The following PDGFD variants were observed in gnomAD, a reference collection of about 807,000 sequenced individuals.
PDGFD encodes platelet derived growth factor D.
PDGFD carries 30 observed loss-of-function variants against 44.7 expected under a neutral mutation model. The observed-to-expected ratio is 0.67, with a 90% CI of 0.50 to 0.91. The LOEUF is 0.91. Among genes scored for constraint, PDGFD ranks in the 40% least tolerant of loss-of-function variants. The pLI, the probability that PDGFD is intolerant of heterozygous loss-of-function variation, is 0.00. For missense variants in PDGFD, 445 were observed against 457.8 expected (o/e 0.97, Z 0.25); for synonymous variants, 173 against 168.4 (o/e 1.03, Z -0.21).
chr11:103,989,057 T>G (rs142969109), intron 3 of PDGFD, among the ~76,000 whole-genome samples: 1 of 152,224 alleles, frequency 6.6e-6, no homozygotes, highest in Admixed American at 6.6e-5. Context: ...AACATATTAT[T>G]ATCATCATCA....
chr11:104,079,544 C>A (rs543321960), intron 1 of PDGFD, among the ~76,000 whole-genome samples: 1 of 152,142 alleles, frequency 6.6e-6, no homozygotes, highest in East Asian at 1.9e-4. Flanking sequence ...CCTGCCGCCA[C>A]GCTCAGCTAA....
intron 1 of PDGFD, among the ~76,000 whole-genome samples, chr11:104,103,668 T>C (rs972887988): frequency 4.0e-5 from 6 of 151,796 alleles, no homozygotes; most frequent in African/African-American, 1.2e-4. Flanking sequence ...TCCTATTGCC[T>C]AAAGATACTG....
intron 5 of PDGFD, among the ~76,000 whole-genome samples, chr11:103,940,470 G>T (rs1332182666): frequency 6.6e-6 from 1 of 152,076 alleles, no homozygotes; most frequent in Non-Finnish European, 1.5e-5. Flanking sequence ...CTGATAGAAG[G>T]AGACTTTTTG....
chr11:103,912,969 C>T (rs564097766), intron 6 of PDGFD, among the ~76,000 whole-genome samples: 1 of 152,036 alleles, frequency 6.6e-6, no homozygotes, highest in Non-Finnish European at 1.5e-5. Context: ...ACAGGAGCAC[C>T]CAGATTCATA....
intron 1 of PDGFD, among the ~76,000 whole-genome samples, chr11:104,027,793 T>A (rs188987220): frequency 4.5e-4 from 69 of 152,328 alleles, no homozygotes; most frequent in Non-Finnish European, 6.6e-4. Context: ...GATGCCTGTA[T>A]TTTGTTGACT....
intron 1 of PDGFD, among the ~76,000 whole-genome samples, chr11:104,161,119 T>C (rs1247619651): frequency 6.6e-6 from 1 of 152,204 alleles, no homozygotes; most frequent in African/African-American, 2.4e-5. Context: ...AGTATGTCTA[T>C]CATCAGGTAA....
At chr11:104,061,772 T>C (rs1380932837) in intron 1 of PDGFD, among the ~76,000 whole-genome samples, 2 of 152,096 alleles carry the variant, frequency 1.3e-5, no homozygotes, top group Admixed American at 6.5e-5. Flanking sequence ...CATGCCTGAC[T>C]AATTTTTTTA....
intron 1 of PDGFD, among the ~76,000 whole-genome samples, chr11:104,144,966 G>A (rs1862142816): frequency 6.6e-6 from 1 of 152,132 alleles, no homozygotes; most frequent in Non-Finnish European, 1.5e-5. Flanking sequence ...ACTATTTAAA[G>A]TATACTCTGA....
intron 1 of PDGFD, among the ~76,000 whole-genome samples, chr11:104,104,649 C>T (rs767445859): frequency 6.6e-6 from 1 of 152,030 alleles, no homozygotes. Flanking sequence ...TAGGCTGCAC[C>T]ATCTAAGTTT....
intron 5 of PDGFD, among the ~76,000 whole-genome samples, chr11:103,930,834 A>G (rs574335452): frequency 6.6e-6 from 1 of 152,360 alleles, no homozygotes; most frequent in South Asian, 2.1e-4. Context: ...GTGTATCCTC[A>G]TCCACCTATT....
At chr11:103,986,450 G>A (rs989390249) in intron 3 of PDGFD, among the ~76,000 whole-genome samples, 1 of 152,184 alleles carries the variant, frequency 6.6e-6, no homozygotes, top group Non-Finnish European at 1.5e-5. Context: ...CTCTTTTGTA[G>A]GGGGGAACTC....
intron 1 of PDGFD, among the ~76,000 whole-genome samples, chr11:104,145,317 T>C (rs902863165): frequency 1.3e-5 from 2 of 152,224 alleles, no homozygotes; most frequent in Admixed American, 6.5e-5. Context: ...AATACATGCA[T>C]CTCTTTAATA....
intron 6 of PDGFD, among the ~76,000 whole-genome samples, chr11:103,925,678 TGTATATATATATATATATATA>T (rs1357077275): frequency 8.0e-5 from 7 of 87,790 alleles, no homozygotes; most frequent in African/African-American, 1.2e-4. Context: ...TGTGTGTCTG[TGTATATATATATATATATATA>T]CACAGACACA....
At chr11:104,035,427 C>T (rs911210231) in intron 1 of PDGFD, among the ~76,000 whole-genome samples, 1 of 152,238 alleles carries the variant, frequency 6.6e-6, no homozygotes, top group Admixed American at 6.5e-5. Context: ...GGAAAAGCCT[C>T]CTGACTGGCC....
chr11:104,100,089 G>C (rs1240929005), intron 1 of PDGFD, among the ~76,000 whole-genome samples: 1 of 151,988 alleles, frequency 6.6e-6, no homozygotes, highest in African/African-American at 2.4e-5. Flanking sequence ...AAGAAGGAAT[G>C]GAAGGGTTAA....
At chr11:103,969,474 G>GTTTTTTTTTTT (rs66571550) in intron 3 of PDGFD, among the ~76,000 whole-genome samples, 2 of 89,808 alleles carry the variant, frequency 2.2e-5, no homozygotes, top group Non-Finnish European at 2.1e-5. Flanking sequence ...ACCAAGCCTG[G>GTTTTTTTTTTT]TTTTTTTTTT....
At chr11:104,156,306 G>A (rs1012420985) in intron 1 of PDGFD, among the ~76,000 whole-genome samples, 1 of 152,048 alleles carries the variant, frequency 6.6e-6, no homozygotes, top group Non-Finnish European at 1.5e-5. Flanking sequence ...AGTAAGCCTT[G>A]ATTATGCCAC....
At position 103,922,421 on chromosome 11, in the gene PDGFD, T is replaced by C. The variant is rs375186443; in HGVS notation, c.987+4491A>G. On this transcript the variant is annotated intron_variant, in intron 6 of 6. Transcript: ENST00000393158. ...AACAAGAAAAGCAGAAAGATCACTC[T>C]GACCTTCCCCTCACCCTCCATCCTG... 2.6e-3 allele frequency among the ~76,000 whole-genome samples: 402 copies of C among 152,286 alleles called. 5 individuals carry two copies. The South Asian group carries it at 0.053, about 20-fold the overall frequency.
chr11:103,941,849 A>C (rs1340483390), intron 5 of PDGFD, among the ~76,000 whole-genome samples: 1 of 152,078 alleles, frequency 6.6e-6, no homozygotes, highest in Non-Finnish European at 1.5e-5. Flanking sequence ...TTTTTATATA[A>C]AATTTCCTCT....
Sources: allele counts gnomAD v4.1 joint callset (sites outside exome capture counted in the v4.1 genomes callset), GRCh38; gene constraint gnomAD v4.1.1; transcripts MANE v1.5; gene names NCBI Gene and HGNC (gene_info 2026-07-23, HGNC 2026-07-21).